Variants in WWP2 observed in about 807,000 individuals in gnomAD.
WWP2 encodes the protein WW domain containing E3 ubiquitin protein ligase 2, also known as NEDD4-like E3 ubiquitin-protein ligase WWP2.
In WWP2, 57 loss-of-function variants were observed where a neutral mutation model predicts 121.0. The ratio of observed to expected loss-of-function variants is 0.47; its 90% CI spans 0.38 to 0.59. The LOEUF (loss-of-function observed/expected upper bound fraction) is 0.59. WWP2 is among the 20% of genes least tolerant of loss of function. The pLI, the probability that WWP2 is intolerant of heterozygous loss-of-function variation, is 0.00. For synonymous variants in WWP2, 449 were observed against 441.3 expected (o/e 1.02, Z -0.22); for missense variants, 962 against 1,158.9 (o/e 0.83, Z 2.47).
chr16:69,909,672 A>G, intron 9 of WWP2: 1 of 985,442 alleles, frequency 1.0e-6, no homozygotes, highest in Non-Finnish European at 1.2e-6. Flanking sequence ...AAGTCAAATG[A>G]AGTTACCAAA....
intron 6 of WWP2, among the ~76,000 whole-genome samples, chr16:69,843,291 C>T (rs75694192): frequency 6.6e-6 from 1 of 151,920 alleles, no homozygotes; most frequent in Non-Finnish European, 1.5e-5. Flanking sequence ...ATACGTATTA[C>T]AAATGACGTA....
intron 1 of WWP2, among the ~76,000 whole-genome samples, chr16:69,763,984 A>G (rs1238040691): frequency 6.6e-6 from 1 of 152,152 alleles, no homozygotes; most frequent in Non-Finnish European, 1.5e-5. Context: ...TCACTTCATG[A>G]TTACTTTCCC....
chr16:69,922,118 TG>T (rs546746274), intron 10 of WWP2, among the ~76,000 whole-genome samples: 143 of 151,924 alleles, frequency 9.4e-4, no homozygotes, highest in African/African-American at 2.7e-3. Context: ...GATTATTTTG[TG>T]GCTCTTAGGG....
At chr16:69,768,845 T>C (rs1196623157) in intron 1 of WWP2, among the ~76,000 whole-genome samples, 1 of 152,206 alleles carries the variant, frequency 6.6e-6, no homozygotes, top group Non-Finnish European at 1.5e-5. Context: ...AAGGATGTCA[T>C]TTGGCAAAGT....
intron 6 of WWP2, among the ~76,000 whole-genome samples, chr16:69,867,522 G>T (rs573278941): frequency 3.0e-4 from 46 of 152,306 alleles, no homozygotes; most frequent in African/African-American, 9.6e-4. Context: ...TGTAGCTGAG[G>T]ATGGAGGCCA....
chr16:69,790,622 C>T (rs1411234094), intron 2 of WWP2, among the ~76,000 whole-genome samples: 3 of 152,080 alleles, frequency 2.0e-5, no homozygotes, highest in East Asian at 1.9e-4. Flanking sequence ...GTCACCCAGG[C>T]GGGGGTGCAG....
intron 8 of WWP2, among the ~76,000 whole-genome samples, chr16:69,901,876 G>A (rs1456133398): frequency 6.6e-6 from 1 of 152,132 alleles, no homozygotes; most frequent in African/African-American, 2.4e-5. Flanking sequence ...ACTTGAACTC[G>A]GGAGATGGAG....
At chr16:69,785,291 G>A (rs1053131084) in intron 1 of WWP2, among the ~76,000 whole-genome samples, 1 of 151,916 alleles carries the variant, frequency 6.6e-6, no homozygotes, top group Non-Finnish European at 1.5e-5. Context: ...AGGAAGGGGA[G>A]CGGATATGAG....
intron 1 of WWP2, among the ~76,000 whole-genome samples, chr16:69,765,192 C>G (rs1353179224): frequency 6.6e-6 from 1 of 151,704 alleles, no homozygotes; most frequent in Non-Finnish European, 1.5e-5. Flanking sequence ...CAGAGTGAGA[C>G]CCTGTCTCAA....
intron 6 of WWP2, among the ~76,000 whole-genome samples, chr16:69,860,646 A>T (rs1223356930): frequency 6.6e-6 from 1 of 152,094 alleles, no homozygotes; most frequent in Non-Finnish European, 1.5e-5. Context: ...TCCATTGAAC[A>T]TATTCTTTTT....
chr16:69,872,362 G>A lies in WWP2; in HGVS notation c.703+431G>A, dbSNP rs904563373. ...CTCCTGAGTAGCTGGGACTACAGGC[G>A]CCCACTGCCACGCCCGGCTAATTTT... is the stretch of plus-strand genomic sequence containing the variant. On this transcript the variant is annotated intron_variant, in intron 7 of 23. Coordinates refer to ENST00000359154, the MANE Select transcript of WWP2 (RefSeq NM_001270454.2). 2.6e-5 allele frequency among the ~76,000 whole-genome samples: 4 copies of A among 151,922 alleles called. No individual in the cohort carries two copies. The South Asian group carries it at 6.2e-4, about 24-fold the overall frequency.
At chr16:69,918,017 A>C (rs1247299320) in intron 10 of WWP2, 134 bp downstream of exon 10, 6 of 1,161,748 alleles carry the variant, frequency 5.2e-6, no homozygotes, top group Non-Finnish European at 6.0e-6. Flanking sequence ...CTGCCCCTGG[A>C]GATTTTACTC....
At chr16:69,924,641 C>T (rs948355254) in intron 10 of WWP2, among the ~76,000 whole-genome samples, 3 of 151,888 alleles carry the variant, frequency 2.0e-5, no homozygotes, top group African/African-American at 4.8e-5. Context: ...GGAGCCAGTT[C>T]CCCCTTCTTT....
In WWP2 at chr16:69,907,885, T is replaced by C. The variant is rs192552136; in HGVS notation, c.915-876T>C. 5.9e-5 allele frequency among the ~76,000 whole-genome samples: 9 copies of C among 152,322 alleles called. No individual in the cohort carries two copies. The East Asian group carries it at 1.7e-3, about 29-fold the overall frequency. On this transcript the variant is annotated intron_variant, in intron 8 of 23. Transcript: ENST00000359154. ...AGATACTCTGTAAATGAATCTTATA[T>C]TACAAAAATAAATGTGAGCATGAAT... is the stretch of plus-strand genomic sequence containing the variant.
intron 8 of WWP2, among the ~76,000 whole-genome samples, chr16:69,901,177 C>CTT (rs2058197839): frequency 6.6e-6 from 1 of 152,124 alleles, no homozygotes; most frequent in South Asian, 2.1e-4. Context: ...ATGGTTCTCC[C>CTT]CGGAAGTGGC....
chr16:69,821,742 T>G (rs2056596606), intron 4 of WWP2, among the ~76,000 whole-genome samples: 1 of 126,026 alleles, frequency 7.9e-6, no homozygotes, highest in African/African-American at 3.0e-5. Flanking sequence ...TTTTTTTTTT[T>G]GTAGAGATGT....
At position 69,933,921 on chromosome 16, in the gene WWP2, T is replaced by C. The variant is rs1314006654; in HGVS notation, c.1683-49T>C. The C allele has an allele frequency of 6.9e-6, 11 of 1,590,562 alleles. No homozygotes were observed. In the South Asian group the frequency reaches 1.0e-4, roughly 15 times the overall value. On this transcript the variant is annotated intron_variant, in intron 16 of 23. Coordinates refer to ENST00000359154, the MANE Select transcript of WWP2 (RefSeq NM_001270454.2). Reference sequence around the variant, plus strand: ...AAGAGACACAGCTCCTGTGCAGATGTGCACGAAGGGACCCATTATTCTTGT... The same window carrying C: ...AAGAGACACAGCTCCTGTGCAGATGCGCACGAAGGGACCCATTATTCTTGT...
At chr16:69,763,226 T>C (rs2038656061) in intron 1 of WWP2, among the ~76,000 whole-genome samples, 5 of 152,226 alleles carry the variant, frequency 3.3e-5, no homozygotes, top group Admixed American at 3.3e-4. Context: ...CTTTTCTCTT[T>C]CTTCCGTTTA....
chr16:69,850,709 C>T (rs1053425642), intron 6 of WWP2, among the ~76,000 whole-genome samples: 8 of 152,084 alleles, frequency 5.3e-5, no homozygotes, highest in Admixed American at 3.3e-4. Context: ...AAATAAAAGT[C>T]ATTTAGAAAT....
Sources: gnomAD v4.1 joint callset for allele counts (sites outside exome capture counted in the v4.1 genomes callset) on GRCh38, gnomAD v4.1.1 for gene constraint, MANE v1.5 for transcripts, NCBI Gene and HGNC (gene_info 2026-07-23, HGNC 2026-07-21) for gene names.